The following HYCC1 variants were observed in gnomAD, a reference collection of about 807,000 sequenced individuals.
The protein encoded by HYCC1 is hyccin PI4KA lipid kinase complex subunit 1.
the HYCC1 span, chr7:22,947,378 A>G: frequency 1.5e-6 from 1 of 664,420 alleles, no homozygotes; most frequent in East Asian, 2.7e-5. Context: ...TTTGCACTGT[A>G]GTAATTTCCA....
At chr7:23,003,226 G>C in the HYCC1 span, among the ~76,000 whole-genome samples, 10 of 152,018 alleles carry the variant, frequency 6.6e-5, no homozygotes, top group African/African-American at 2.4e-4. Flanking sequence ...TTATATTAAG[G>C]TGGTTAAATA....
chr7:22,930,375 TAAAAAGAAAAAGAAAAAGA>T, the HYCC1 span, among the ~76,000 whole-genome samples: 10,620 of 84,110 alleles, frequency 0.13, 542 homozygotes, highest in East Asian at 0.29. Flanking sequence ...AGAAACAAAG[TAAAAAGAAAAAGAAAAAGA>T]AAAAAAAAAA....
the HYCC1 span, among the ~76,000 whole-genome samples, chr7:22,897,563 A>T: frequency 1.3e-5 from 2 of 152,214 alleles, no homozygotes; most frequent in Admixed American, 6.5e-5. Context: ...ATAAGATAGT[A>T]CGTGCAGGTA....
At chr7:22,964,400 T>G in the HYCC1 span, 2 of 1,351,066 alleles carry the variant, frequency 1.5e-6, no homozygotes, top group Non-Finnish European at 2.1e-6. Flanking sequence ...ATTTCGCATA[T>G]GATGAGATAC....
At chr7:22,978,191 T>A in the HYCC1 span, 3 of 1,322,196 alleles carry the variant, frequency 2.3e-6, no homozygotes, top group Non-Finnish European at 3.2e-6. Flanking sequence ...ACTAGCTTTA[T>A]TAAAATGAAA....
the HYCC1 span, among the ~76,000 whole-genome samples, chr7:22,982,379 A>G: frequency 3.9e-5 from 6 of 152,192 alleles, no homozygotes; most frequent in African/African-American, 1.4e-4. Flanking sequence ...CCTAAAATTC[A>G]TGATACGCAT....
At chr7:22,954,750 C>G in the HYCC1 span, among the ~76,000 whole-genome samples, 1 of 151,440 alleles carries the variant, frequency 6.6e-6, no homozygotes, top group African/African-American at 2.4e-5. Context: ...TATACAGTTG[C>G]TACTTTTAAT....
At chr7:22,923,353 T>C in the HYCC1 span, among the ~76,000 whole-genome samples, 1 of 152,148 alleles carries the variant, frequency 6.6e-6, no homozygotes, top group Non-Finnish European at 1.5e-5. Context: ...GACTTTTAGA[T>C]GAATGAAAAT....
At chr7:22,918,084 T>A in the HYCC1 span, among the ~76,000 whole-genome samples, 1 of 152,120 alleles carries the variant, frequency 6.6e-6, no homozygotes, top group African/African-American at 2.4e-5. Flanking sequence ...TGTTTTTACC[T>A]AAAATCAATC....
At chr7:22,944,235 T>C in the HYCC1 span, 12,444 of 152,054 alleles carry the variant, frequency 0.082, 669 homozygotes, top group East Asian at 0.21. Context: ...TCAGCCGTGC[T>C]TTCTCTCTCT....
chr7:22,924,454 G>A, the HYCC1 span, among the ~76,000 whole-genome samples: 1 of 152,166 alleles, frequency 6.6e-6, no homozygotes, highest in Non-Finnish European at 1.5e-5. Context: ...GGTGACAGAC[G>A]GTACCTGGAA....
chr7:22,996,180 G>A, the HYCC1 span, among the ~76,000 whole-genome samples: 1 of 151,276 alleles, frequency 6.6e-6, no homozygotes, highest in African/African-American at 2.4e-5. Context: ...GTGATCCCAG[G>A]TACTTGGGAG....
the HYCC1 span, chr7:22,991,035 T>C: frequency 3.3e-6 from 5 of 1,496,358 alleles, no homozygotes; most frequent in Non-Finnish European, 3.7e-6. Context: ...GGAATATAAT[T>C]ACTATAGTAG....
the HYCC1 span, chr7:22,941,551 G>A: frequency 2.6e-5 from 4 of 152,166 alleles, no homozygotes; most frequent in African/African-American, 9.6e-5. Flanking sequence ...TTCCATATAA[G>A]AGAAAGCAAC....
At chr7:23,014,068 T>G in the HYCC1 span, 1 of 470,688 alleles carries the variant, frequency 2.1e-6, no homozygotes, top group East Asian at 7.0e-5. Context: ...GTGAGCCATC[T>G]TCCCCCTCCT....
chr7:22,920,692 G>A, the HYCC1 span, among the ~76,000 whole-genome samples: 2 of 152,162 alleles, frequency 1.3e-5, no homozygotes, highest in African/African-American at 2.4e-5. Context: ...AAAAGTATGG[G>A]TAAAGGTAAA....
the HYCC1 span, chr7:22,983,730 C>T: frequency 5.1e-5 from 27 of 525,018 alleles, no homozygotes; most frequent in African/African-American, 1.7e-4. Context: ...CTACCTCTAG[C>T]GAGAGAGAAA....
At chr7:22,972,389 C>T in the HYCC1 span, among the ~76,000 whole-genome samples, 1 of 152,154 alleles carries the variant, frequency 6.6e-6, no homozygotes, top group Admixed American at 6.5e-5. Context: ...CACAGCTATC[C>T]ATATCCAGGT....
At chr7:22,925,269 G>C in the HYCC1 span, among the ~76,000 whole-genome samples, 6 of 152,184 alleles carry the variant, frequency 3.9e-5, no homozygotes, top group African/African-American at 1.4e-4. Flanking sequence ...CTAAAAATCA[G>C]AGCGCCTCTC....
Sources: gnomAD v4.1 joint callset for allele counts (sites outside exome capture counted in the v4.1 genomes callset) on GRCh38, gnomAD v4.1.1 for gene constraint, MANE v1.5 for transcripts, NCBI Gene and HGNC (gene_info 2026-07-23, HGNC 2026-07-21) for gene names.